Variants in DSCAM observed in about 807,000 individuals in gnomAD.
The protein encoded by DSCAM is DS cell adhesion molecule.
Under a neutral mutation model 217.7 loss-of-function variants are expected in DSCAM, and 47 were observed. The ratio of observed to expected loss-of-function variants is 0.22; its 90% CI spans 0.17 to 0.28. DSCAM has a LOEUF of 0.28. Among genes scored for constraint, DSCAM ranks in the 10% least tolerant of loss-of-function variants. The probability of loss-of-function intolerance (pLI) is 1.00; values close to 1 mark genes in which losing one functional copy is unlikely to be tolerated. For missense variants in DSCAM, 2,080 were observed against 2,618.3 expected (o/e 0.79, Z 4.49); for synonymous variants, 1,056 against 1,015.3 (o/e 1.04, Z -0.76).
chr21:40,639,094 C>T (rs1601813541), intron 3 of DSCAM, among the ~76,000 whole-genome samples: 1 of 149,500 alleles, frequency 6.7e-6, no homozygotes, highest in East Asian at 2.0e-4. Context: ...TTTTTTACAG[C>T]AGCCTCTGTG....
intron 3 of DSCAM, among the ~76,000 whole-genome samples, chr21:40,667,103 T>C (rs73905040): frequency 0.016 from 2,451 of 152,208 alleles, 60 homozygotes; most frequent in African/African-American, 0.056. Context: ...CTCCCTCCTC[T>C]CTCCTTTGTC....
chr21:40,786,340 G>GAGAA (rs747294610), intron 1 of DSCAM, among the ~76,000 whole-genome samples: 3 of 152,044 alleles, frequency 2.0e-5, no homozygotes, highest in Non-Finnish European at 4.4e-5. Context: ...AAGGAAGAAA[G>GAGAA]AGAAAGAAAG....
At position 40,269,554 on chromosome 21, in the gene DSCAM, C is replaced by T. The variant is rs2073587730; in HGVS notation, c.2356+6543G>A. On this transcript the variant is annotated intron_variant, in intron 11 of 32. Transcript: ENST00000400454. ...GTCCCGGGGCTGCTGTAACAAAGTT[C>T]CACAAACTGGGGTGCTTAAACAACA... 2.6e-5 allele frequency among the ~76,000 whole-genome samples: 4 copies of T among 152,298 alleles called. No individual in the cohort carries two copies. The South Asian group carries it at 8.3e-4, about 32-fold the overall frequency.
At chr21:40,433,698 A>C (rs1320181643) in intron 3 of DSCAM, among the ~76,000 whole-genome samples, 2 of 152,186 alleles carry the variant, frequency 1.3e-5, no homozygotes, top group East Asian at 1.9e-4. Flanking sequence ...AGGTGACATC[A>C]TCTGAGGTGG....
At chr21:40,190,451 G>A (rs1003053726) in intron 11 of DSCAM, among the ~76,000 whole-genome samples, 1 of 152,042 alleles carries the variant, frequency 6.6e-6, no homozygotes, top group African/African-American at 2.4e-5. Flanking sequence ...CCAAAGCCAG[G>A]CTCCTCAAAG....
chr21:40,444,862 A>G (rs1395185703), intron 3 of DSCAM, among the ~76,000 whole-genome samples: 1 of 152,184 alleles, frequency 6.6e-6, no homozygotes, highest in Non-Finnish European at 1.5e-5. Context: ...TCCATTCCCT[A>G]CATGTGCCTC....
At chr21:40,229,836 C>A (rs1485910546) in intron 11 of DSCAM, among the ~76,000 whole-genome samples, 1 of 152,204 alleles carries the variant, frequency 6.6e-6, no homozygotes, top group African/African-American at 2.4e-5. Flanking sequence ...TGTGGACATA[C>A]ATTTTTACAT....
At chr21:40,761,281 G>T (rs906500990) in intron 1 of DSCAM, among the ~76,000 whole-genome samples, 5 of 152,134 alleles carry the variant, frequency 3.3e-5, no homozygotes, top group Non-Finnish European at 7.3e-5. Context: ...TTAGGAGAGA[G>T]TCTGTTTCCT....
At chr21:40,626,103 A>G (rs1321938387) in intron 3 of DSCAM, among the ~76,000 whole-genome samples, 5 of 152,192 alleles carry the variant, frequency 3.3e-5, no homozygotes, top group Non-Finnish European at 1.5e-5. Context: ...AATTAATATA[A>G]GACCGATTCC....
At chr21:40,654,949 G>A (rs1341677993) in intron 3 of DSCAM, among the ~76,000 whole-genome samples, 1 of 152,140 alleles carries the variant, frequency 6.6e-6, no homozygotes, top group Non-Finnish European at 1.5e-5. Flanking sequence ...TTCCACCAGG[G>A]GTTAAGGATA....
intron 11 of DSCAM, among the ~76,000 whole-genome samples, chr21:40,209,278 C>A (rs185822427): frequency 1.6e-3 from 241 of 152,324 alleles, no homozygotes; most frequent in African/African-American, 5.4e-3. Context: ...GTGTGGCCAA[C>A]CCTGGACCTG....
chr21:40,577,706 G>C (rs904960161), intron 3 of DSCAM, among the ~76,000 whole-genome samples: 1 of 152,178 alleles, frequency 6.6e-6, no homozygotes, highest in Non-Finnish European at 1.5e-5. Context: ...GGGGAGGGGG[G>C]TCTAGTTAGA....
chr21:40,101,014 C>G (rs9981369), intron 20 of DSCAM, among the ~76,000 whole-genome samples: 2 of 152,168 alleles, frequency 1.3e-5, no homozygotes, highest in East Asian at 3.9e-4. Flanking sequence ...CAGAAACAGC[C>G]AACATTACGA....
At chr21:40,458,810 A>G (rs1601659616) in intron 3 of DSCAM, among the ~76,000 whole-genome samples, 1 of 152,120 alleles carries the variant, frequency 6.6e-6, no homozygotes, top group Non-Finnish European at 1.5e-5. Context: ...AAGACATGTT[A>G]GGTCACAAAG....
chr21:40,521,938 A>G (rs529705430), intron 3 of DSCAM, among the ~76,000 whole-genome samples: 266 of 152,364 alleles, frequency 1.7e-3, no homozygotes, highest in African/African-American at 5.9e-3. Context: ...CAACGTATAC[A>G]CGTTTCAAAA....
At chr21:40,583,859 C>T (rs2076923656) in intron 3 of DSCAM, among the ~76,000 whole-genome samples, 1 of 148,604 alleles carries the variant, frequency 6.7e-6, no homozygotes, top group South Asian at 2.1e-4. Context: ...GTACCTTCCA[C>T]TCGGTTTTGC....
intron 7 of DSCAM, 52 bp from the exon 8 acceptor site, chr21:40,338,428 T>C (rs763620253): frequency 6.4e-7 from 1 of 1,553,078 alleles, no homozygotes; most frequent in Admixed American, 1.8e-5. Flanking sequence ...ACATCTCATG[T>C]AGGGAAATGG....
chr21:40,458,349 A>T (rs1386233032), intron 3 of DSCAM, among the ~76,000 whole-genome samples: 1 of 152,140 alleles, frequency 6.6e-6, no homozygotes, highest in Non-Finnish European at 1.5e-5. Context: ...ATTACAAAGG[A>T]AACAAAACCA....
intron 3 of DSCAM, among the ~76,000 whole-genome samples, chr21:40,489,015 C>A (rs2076052966): frequency 1.3e-5 from 2 of 152,150 alleles, no homozygotes; most frequent in South Asian, 4.1e-4. Flanking sequence ...TAGGTCTATG[C>A]TTCTAAAAAA....
Sources: allele counts gnomAD v4.1 joint callset (sites outside exome capture counted in the v4.1 genomes callset), GRCh38; gene constraint gnomAD v4.1.1; transcripts MANE v1.5; gene names NCBI Gene and HGNC (gene_info 2026-07-23, HGNC 2026-07-21).